Variants in KRT78 observed in about 807,000 individuals in gnomAD.
KRT78 encodes keratin 78, also known as keratin, type II cytoskeletal 78.
KRT78 carries 55 observed loss-of-function variants against 51.4 expected under a neutral mutation model. The observed-to-expected ratio is 1.07, with a 90% CI of 0.86 to 1.34. The LOEUF (loss-of-function observed/expected upper bound fraction) is 1.34, where lower values mean the gene tolerates loss of function less well. Among genes scored for constraint, KRT78 ranks in the 40% most tolerant of loss-of-function variants. The probability of loss-of-function intolerance (pLI) is 0.00; values close to 1 mark genes in which losing one functional copy is unlikely to be tolerated. For missense variants in KRT78, 652 were observed against 649.4 expected, an observed-to-expected ratio of 1.00 and a Z score of -0.04; for synonymous variants, 291 against 264.3, an observed-to-expected ratio of 1.10 and a Z score of -0.98.
intron 3 of KRT78, 72 bp downstream of exon 3, chr12:52,846,692 C>T: frequency 7.2e-7 from 1 of 1,380,240 alleles, no homozygotes; most frequent in Non-Finnish European, 1.0e-6. Flanking sequence ...CCTTTTCCCT[C>T]CCAGCCTAGG....
rs1342885395 is a variant in KRT78 at position 52,844,107 on chromosome 12, T to C, written c.1033A>G (p.Asn345Asp). The change falls in exon 6 of 9, where the codon AAC becomes GAC. Residue 345 changes from asparagine to aspartate, a missense_variant. Transcript: ENST00000304620. ...EIQRLQSQTE[N>D]LKKQNASLQA... The stretch of plus-strand genomic sequence containing the variant: ...TGGGAATCTACCTGCTTCTTGAGGT[T>C]CTCAGTCTGACTCTGCAGCCTCTGA... The C allele has an allele frequency of 6.8e-6, 11 of 1,612,678 alleles. No individual in the cohort carries two copies. Among genetic ancestry groups the C allele is most frequent in the Non-Finnish European group, 9.3e-6 (11 of 1,179,602 alleles).
chr12:52,848,148 G>A (rs565862515), intron 1 of KRT78, 27 bp from the exon 2 acceptor site: 162 of 1,608,776 alleles, frequency 1.0e-4, no homozygotes, highest in Admixed American at 3.7e-4. Flanking sequence ...GGATCCCTGA[G>A]GCTCCTGTGG....
In KRT78 at chr12:52,844,718, C is replaced by T; in HGVS notation, c.762G>A (p.Leu254=). 1 of 1,608,228 alleles carries T rather than the reference C, an allele frequency of 6.2e-7. No homozygotes were observed. The highest frequency in any genetic ancestry group is 8.5e-7 in the Non-Finnish European group (1 of 1,176,452). ...YFLKHLNEEE[L]GQLQTQASDT... is the part of the protein sequence containing the mutation. ...CGCTGGCCTGGGTCTGGAGCTGGCC[C>T]AGCTCCTGCAGGGAAGACAGACTCA... is the stretch of plus-strand genomic sequence containing the variant. The change falls in exon 5 of 9, where the codon CTG becomes CTA. Residue 254 remains leucine (L), a synonymous_variant. Coordinates refer to ENST00000304620, the MANE Select transcript of KRT78 (RefSeq NM_173352.4).
rs1035643163 is a variant in KRT78 at position 52,837,906 on chromosome 12, T to A, written c.*1207A>T. 6.6e-6 allele frequency: 1 copy of A among 152,196 alleles called. No individual in the cohort carries two copies. Among genetic ancestry groups the A allele is most frequent in the Non-Finnish European group, 1.5e-5 (1 of 68,030 alleles). The allele number at this position is 152,196 out of a possible 1,614,324, so 9.4% of individuals were successfully genotyped here. A position where few individuals can be genotyped will look rare whatever the true frequency, so the allele number is the denominator to read the frequency against. ...GCCACACAGCCCTGTGAGGTACATA[T>A]TATTATTAATCTCTTTTTACAGATG... On this transcript the variant is annotated 3_prime_UTR_variant, in exon 9 of 9. Coordinates refer to ENST00000304620, the MANE Select transcript of KRT78 (RefSeq NM_173352.4).
At chr12:52,842,963 A>G (rs868184378) in intron 6 of KRT78, among the ~76,000 whole-genome samples, 457 of 24,998 alleles carry the variant, frequency 0.018, 8 homozygotes, top group African/African-American at 0.059. Flanking sequence ...GAGAGAGAGG[A>G]AGGAAGGAAG....
In KRT78 at chr12:52,847,941, C is replaced by T. The variant is rs1226778755; in HGVS notation, c.565G>A (p.Ala189Thr). 1 of 1,614,186 alleles carries T rather than the reference C, an allele frequency of 6.2e-7. No individual in the cohort carries two copies. The highest frequency in any genetic ancestry group is 1.7e-5 in the Admixed American group (1 of 60,022). ...TACTCCTCCTCCTGGTCCCGGCAGGCCTTCAACTCAGCATCCAGAGCCCCT... is the reference window on the plus strand; with the variant it reads ...TACTCCTCCTCCTGGTCCCGGCAGGTCTTCAACTCAGCATCCAGAGCCCCT... ...ERGALDAELK[A>T]CRDQEEEYKS... The change falls in exon 2 of 9, where the codon GCC (alanine) becomes ACC (threonine). Residue 189 changes from alanine (A) to threonine (T), a missense_variant. Transcript: ENST00000304620.
At chr12:52,846,877 T>A (rs1273680781) in intron 2 of KRT78, 53 bp from the exon 3 acceptor site, 1 of 1,400,450 alleles carries the variant, frequency 7.1e-7, no homozygotes, top group Non-Finnish European at 1.0e-6. Flanking sequence ...TCAGAGCTCA[T>A]GCCCCCATGT....
At chr12:52,844,249 T>G in intron 5 of KRT78, 31 bp from the exon 6 acceptor site, 7 of 1,560,942 alleles carry the variant, frequency 4.5e-6, no homozygotes, top group Non-Finnish European at 6.0e-6. Context: ...ACACCATTAG[T>G]TGAGAGGACT....
chr12:52,840,849 G>A (rs533496371), intron 6 of KRT78, among the ~76,000 whole-genome samples: 1 of 152,166 alleles, frequency 6.6e-6, no homozygotes, highest in Non-Finnish European at 1.5e-5. Flanking sequence ...GCACGGCCCC[G>A]CCAACACCTT....
chr12:52,846,240 GCC>G lies in KRT78; in HGVS notation c.711_712del (p.Glu237AspfsTer14). 1 of 1,613,958 alleles carries G rather than the reference GCC, an allele frequency of 6.2e-7. No homozygotes were observed. On this transcript the variant is annotated frameshift_variant, in exon 4 of 9. Transcript: ENST00000304620. LOFTEE classifies it high-confidence loss of function. ...CAAGAAGTAGAGGTACTCTCTCAGA[GCC>G]TCCAGCTTGCCCTCCAACTCCATCT...
intron 6 of KRT78, among the ~76,000 whole-genome samples, chr12:52,841,652 A>G (rs1940503562): frequency 6.6e-6 from 1 of 152,348 alleles, no homozygotes; most frequent in East Asian, 1.9e-4. Flanking sequence ...CTCTGTGGAT[A>G]GAAACATAAT....
In KRT78 at chr12:52,839,281, C is replaced by A. The variant is rs765170342; in HGVS notation, c.1395G>T (p.Gly465=). The A allele has an allele frequency of 1.2e-6, 2 of 1,612,826 alleles. No homozygotes were observed. Among genetic ancestry groups the A allele is most frequent in the Non-Finnish European group, 1.7e-6 (2 of 1,179,480 alleles). ...CAGTCACAATGCTGGTGCAGCAGGACCCAGGGCTGCCTTTCCCACTACCGA... is the reference window on the plus strand; with the variant it reads ...CAGTCACAATGCTGGTGCAGCAGGAACCAGGGCTGCCTTTCCCACTACCGA... ...CGLGSGKGSP[G]SCCTSIVTGG... The change falls in exon 9 of 9, where the codon GGG becomes GGT. Residue 465 remains glycine, a synonymous_variant. Coordinates refer to ENST00000304620, the MANE Select transcript of KRT78 (RefSeq NM_173352.4).
intron 4 of KRT78, 42 bp downstream of exon 4, chr12:52,846,155 T>G (rs757378471): frequency 1.8e-5 from 25 of 1,413,424 alleles, no homozygotes; most frequent in Non-Finnish European, 2.4e-5. Context: ...GCCCACCCAG[T>G]CCTCTCTCTT....
intron 6 of KRT78, among the ~76,000 whole-genome samples, chr12:52,842,657 C>T (rs1225354190): frequency 2.6e-5 from 4 of 152,040 alleles, no homozygotes; most frequent in Non-Finnish European, 5.9e-5. Context: ...GTGGCTCACA[C>T]CTGTAATCCC....
rs138311455 is a variant in KRT78, at chr12:52,841,771, G to A, written c.1048-1787C>T. Among the ~76,000 whole-genome samples, 440 of 152,304 alleles carry A rather than the reference G, an allele frequency of 2.9e-3. 4 individuals are homozygous for A. Among genetic ancestry groups the A allele is most frequent in the African/African-American group, 9.6e-3 (400 of 41,566 alleles). ...GAGCCCAGTTCATCATGTTTGTGCA[G>A]GAAAAGGAGCAGGGGACAGTGCTAT... On this transcript the variant is annotated intron_variant, in intron 6 of 8. Coordinates refer to ENST00000304620, the MANE Select transcript of KRT78 (RefSeq NM_173352.4).
In KRT78 at chr12:52,847,929, G is replaced by T; in HGVS notation, c.577C>A (p.Gln193Lys). ...TACTTGGACTTATACTCCTCCTCCT[G>T]GTCCCGGCAGGCCTTCAACTCAGCA... is the stretch of plus-strand genomic sequence containing the variant. ...LDAELKACRD[Q>K]EEEYKSKYEE... The change falls in exon 2 of 9, where the codon CAG becomes AAG. Residue 193 changes from glutamine to lysine, a missense_variant. Physicochemically the swap from Gln to Lys is moderately conservative, Grantham distance 53. Transcript: ENST00000304620. 1 of 1,614,094 alleles carries T rather than the reference G, an allele frequency of 6.2e-7. No homozygotes were observed. Among genetic ancestry groups the T allele is most frequent in the African/African-American group, 1.3e-5 (1 of 75,032 alleles).
rs534266265 is a variant in KRT78 at position 52,847,434 on chromosome 12, G to A, written c.599+473C>T. Among the ~76,000 whole-genome samples, 13 of 152,320 alleles carry A rather than the reference G, an allele frequency of 8.5e-5. 1 individual carries two copies. The South Asian group carries it at 2.1e-3, about 24-fold the overall frequency. ...CTCCACTCCACCAGGTGACCTAGGC[G>A]TGGAGCCCAGAACCACAGCCCATCT... On this transcript the variant is annotated intron_variant, in intron 2 of 8. Coordinates refer to ENST00000304620, the MANE Select transcript of KRT78 (RefSeq NM_173352.4).
At position 52,847,917 on chromosome 12, in the gene KRT78, ACTC is replaced by A; in HGVS notation, c.586_588del (p.Glu196del). The A allele has an allele frequency of 5.0e-6, 8 of 1,613,252 alleles. No individual in the cohort carries two copies. The highest frequency in any genetic ancestry group is 6.8e-6 in the Non-Finnish European group (8 of 1,179,766). ...TTTCAGTGTGCCTACTTGGACTTATACTCCTCCTCCTGGTCCCGGCAGGCCTTC... is the reference window on the plus strand; with the variant it reads ...TTTCAGTGTGCCTACTTGGACTTATACTCCTCCTGGTCCCGGCAGGCCTTC... On this transcript the variant is annotated inframe_deletion, in exon 2 of 9. Transcript: ENST00000304620.
At chr12:52,842,959 G>GAGAAAGGAAGTAAGGA (rs1299063277) in intron 6 of KRT78, among the ~76,000 whole-genome samples, 1 of 53,724 alleles carries the variant, frequency 1.9e-5, no homozygotes, top group Non-Finnish European at 3.2e-5. Context: ...GAGAGAGAGA[G>GAGAAAGGAAGTAAGGA]AGGAAGGAAG....
Sources: allele counts gnomAD v4.1 joint callset (sites outside exome capture counted in the v4.1 genomes callset), GRCh38; gene constraint gnomAD v4.1.1; transcripts MANE v1.5; gene names NCBI Gene and HGNC (gene_info 2026-07-23, HGNC 2026-07-21).